The following TRPM3 variants were observed in gnomAD, a reference collection of about 807,000 sequenced individuals.
TRPM3 encodes transient receptor potential cation channel subfamily M member 3, also known as long transient receptor potential channel 3.
A neutral mutation model predicts 181.2 loss-of-function variants in TRPM3; 77 were observed. That is an observed-to-expected ratio of 0.42 (90% CI 0.35 to 0.51). The LOEUF (loss-of-function observed/expected upper bound fraction) is 0.51. TRPM3 is among the 20% of genes least tolerant of loss of function. TRPM3 has a pLI of 0.01. For synonymous variants in TRPM3, 745 were observed against 796.4 expected, an observed-to-expected ratio of 0.94 and a Z score of 1.09; for missense variants, 1,759 against 2,196.7, an observed-to-expected ratio of 0.80 and a Z score of 3.98.
chr9:70,554,897 T>C (rs1343847096), intron 22 of TRPM3, among the ~76,000 whole-genome samples: 2 of 152,178 alleles, frequency 1.3e-5, no homozygotes, highest in East Asian at 3.9e-4. Flanking sequence ...GAATCTTTTT[T>C]TTATTATTGC....
intron 22 of TRPM3, among the ~76,000 whole-genome samples, chr9:70,571,348 C>T (rs1018462160): frequency 6.6e-5 from 10 of 151,980 alleles, no homozygotes; most frequent in African/African-American, 1.7e-4. Context: ...TAAAGATAAA[C>T]GAGTTGTTGC....
intron 1 of TRPM3, among the ~76,000 whole-genome samples, chr9:71,313,782 A>G (rs1385249640): frequency 6.6e-6 from 1 of 152,140 alleles, no homozygotes; most frequent in Non-Finnish European, 1.5e-5. Flanking sequence ...GGTCACTTGA[A>G]AATACTGAAA....
intron 1 of TRPM3, among the ~76,000 whole-genome samples, chr9:71,345,980 G>C (rs1013973434): frequency 1.3e-5 from 2 of 152,144 alleles, no homozygotes; most frequent in African/African-American, 4.8e-5. Context: ...AAATTGTTTA[G>C]CACATTTTTC....
chr9:70,537,574 A>G (rs2042116788), intron 25 of TRPM3, among the ~76,000 whole-genome samples, 169 bp from the exon 26 acceptor site: 1 of 152,232 alleles, frequency 6.6e-6, no homozygotes, highest in African/African-American at 2.4e-5. Flanking sequence ...TGATGCTGTG[A>G]AAGAATCACA....
At chr9:70,767,378 T>G (rs1021848283) in intron 7 of TRPM3, among the ~76,000 whole-genome samples, 11 of 152,212 alleles carry the variant, frequency 7.2e-5, no homozygotes, top group African/African-American at 2.7e-4. Context: ...TGCCAGGCAC[T>G]AAGTTAAATA....
At chr9:70,807,362 C>G (rs2090925437) in intron 6 of TRPM3, among the ~76,000 whole-genome samples, 1 of 152,202 alleles carries the variant, frequency 6.6e-6, no homozygotes, top group Non-Finnish European at 1.5e-5. Flanking sequence ...TCAACTTTCT[C>G]AGACTAAATG....
chr9:70,933,263 T>G (rs2133439784), intron 1 of TRPM3, among the ~76,000 whole-genome samples: 1 of 152,146 alleles, frequency 6.6e-6, no homozygotes, highest in East Asian at 1.9e-4. Context: ...GATAGTAAAT[T>G]TGGAAATCAT....
At chr9:71,083,024 G>A (rs1024336659) in intron 1 of TRPM3, among the ~76,000 whole-genome samples, 1 of 152,084 alleles carries the variant, frequency 6.6e-6, no homozygotes, top group Middle Eastern at 3.4e-3. Flanking sequence ...ATATTTCTAT[G>A]TGTGTGTGTT....
At chr9:71,273,357 A>T (rs1392784752) in intron 1 of TRPM3, among the ~76,000 whole-genome samples, 1 of 152,204 alleles carries the variant, frequency 6.6e-6, no homozygotes, top group East Asian at 1.9e-4. Context: ...GACAAGAAAC[A>T]TGACAATGTT....
Position 70,849,214 on chromosome 9 carries a change from G to A in TRPM3, c.463-2623C>T, listed in dbSNP as rs142201997. Among the ~76,000 whole-genome samples, 641 of 152,136 alleles carry A rather than the reference G, an allele frequency of 4.2e-3. 9 individuals carry two copies. Among genetic ancestry groups the A allele is most frequent in the African/African-American group, 0.015 (608 of 41,510 alleles). ...GGCTGGAACACAATGGCATGATCTC[G>A]GCTTACTGCAACCTTTGCCTCCTGG... is the stretch of plus-strand genomic sequence containing the variant. On this transcript the variant is annotated intron_variant, in intron 3 of 25. Coordinates refer to ENST00000677713, the MANE Select transcript of TRPM3 (RefSeq NM_001366145.2).
At chr9:71,071,085 G>C (rs1252881842) in intron 1 of TRPM3, among the ~76,000 whole-genome samples, 3 of 152,150 alleles carry the variant, frequency 2.0e-5, no homozygotes, top group Admixed American at 2.0e-4. Context: ...TTAGTCTTCA[G>C]GGGTGATGAG....
chr9:70,686,521 G>T (rs1252894388), intron 8 of TRPM3, among the ~76,000 whole-genome samples: 1 of 151,810 alleles, frequency 6.6e-6, no homozygotes, highest in Admixed American at 6.6e-5. Flanking sequence ...ATCCTGTATG[G>T]TAACTGAAAT....
intron 1 of TRPM3, among the ~76,000 whole-genome samples, chr9:71,309,018 T>C (rs1323072264): frequency 6.6e-6 from 1 of 152,188 alleles, no homozygotes; most frequent in African/African-American, 2.4e-5. Flanking sequence ...TTAGAGGTGC[T>C]GCTACATATG....
chr9:70,890,469 G>C (rs1184172400), intron 1 of TRPM3, among the ~76,000 whole-genome samples: 1 of 151,976 alleles, frequency 6.6e-6, no homozygotes, highest in Non-Finnish European at 1.5e-5. Flanking sequence ...AAATTGAAGG[G>C]GTCACTGTGA....
In TRPM3 at chr9:70,531,813, G is replaced by A. The variant is rs1747063178; in HGVS notation, c.*4140C>T. 6.6e-6 allele frequency: 1 copy of A among 152,138 alleles called. No individual in the cohort carries two copies. Among genetic ancestry groups the A allele is most frequent in the East Asian group, 1.9e-4 (1 of 5,180 alleles). 9.4% of individuals were successfully genotyped at this position (152,138 alleles called of 1,614,324 possible). On this transcript the variant is annotated 3_prime_UTR_variant, in exon 26 of 26. Transcript: ENST00000677713. ...AATCACAACTTGCCTACCACAGCTCGCAGGACTCATTAGAGGATATACATC... is the reference window on the plus strand; with the variant it reads ...AATCACAACTTGCCTACCACAGCTCACAGGACTCATTAGAGGATATACATC...
At position 70,535,997 on chromosome 9, in the gene TRPM3, A is replaced by G. The variant is rs758758847; in HGVS notation, c.5116T>C (p.Ser1706Pro). 6.2e-7 allele frequency: 1 copy of G among 1,613,018 alleles called. No homozygotes were observed. Among genetic ancestry groups the G allele is most frequent in the South Asian group, 1.1e-5 (1 of 90,830 alleles). ...AAGCTTTGGAAAGCCGATGTTCTGG[A>G]CAGTCTCCTCATGGACAGGCTGTCC... ...RGDSLSMRRL[S>P]RTSAFQSFES... Residue 1706 changes from serine (S) to proline (P), a missense_variant, in exon 26 of 26, where the codon TCC becomes CCC. This residue lies in a region of TRPM3 where 612 missense variants were observed against 590.0 expected (regional missense o/e 1.04). Transcript: ENST00000677713.
At chr9:71,083,791 T>C (rs1298528356) in intron 1 of TRPM3, among the ~76,000 whole-genome samples, 1 of 151,388 alleles carries the variant, frequency 6.6e-6, no homozygotes, top group Non-Finnish European at 1.5e-5. Context: ...TTTCTGAATA[T>C]CTCCTATGAT....
chr9:70,534,564 T>A lies in TRPM3; in HGVS notation c.*1389A>T, dbSNP rs1222710706. On this transcript the variant is annotated 3_prime_UTR_variant, in exon 26 of 26. Coordinates refer to ENST00000677713, the MANE Select transcript of TRPM3 (RefSeq NM_001366145.2). ...GTATAAGTGGCATATACTATAGAAC[T>A]CTTTATATGGTTTATTTGCTTTCTA... is the stretch of plus-strand genomic sequence containing the variant. 6.6e-6 allele frequency: 1 copy of A among 152,234 alleles called. No individual in the cohort carries two copies. Among genetic ancestry groups the A allele is most frequent in the African/African-American group, 2.4e-5 (1 of 41,464 alleles). The allele number at this position is 152,234 out of a possible 1,614,324, so 9.4% of individuals were successfully genotyped here. A position where few individuals can be genotyped will look rare whatever the true frequency, so the allele number is the denominator to read the frequency against.
At chr9:71,434,821 A>G (rs1328525905) in intron 1 of TRPM3, among the ~76,000 whole-genome samples, 2 of 152,170 alleles carry the variant, frequency 1.3e-5, no homozygotes, top group African/African-American at 4.8e-5. Context: ...GTGATGTATA[A>G]TAATTATCTA....
Sources: gnomAD v4.1 joint callset for allele counts (sites outside exome capture counted in the v4.1 genomes callset) on GRCh38, gnomAD v4.1.1 for gene constraint, gnomAD v4.1.1 regional missense constraint, MANE v1.5 for transcripts, NCBI Gene and HGNC (gene_info 2026-07-23, HGNC 2026-07-21) for gene names.